FZD3: variants seen among roughly 807,000 people sequenced by gnomAD.
FZD3 encodes frizzled class receptor 3.
FZD3 carries 30 observed loss-of-function variants against 60.7 expected under a neutral mutation model. The ratio of observed to expected loss-of-function variants is 0.49; its 90% CI spans 0.37 to 0.67. The LOEUF is 0.67. Ranked by LOEUF, FZD3 falls within the 30% of genes least tolerant of loss-of-function variation. FZD3 has a pLI of 0.00. For synonymous variants in FZD3, 246 were observed against 275.2 expected (o/e 0.89, Z 1.05); for missense variants, 605 against 838.7 (o/e 0.72, Z 3.44).
Position 28,547,573 on chromosome 8 carries a change from T to C in FZD3, c.1405-4030T>C, listed in dbSNP as rs1189598626. Among the ~76,000 whole-genome samples, 4 of 152,222 alleles carry C rather than the reference T, an allele frequency of 2.6e-5. No individual in the cohort carries two copies. The East Asian group carries it at 7.7e-4, about 29-fold the overall frequency. On this transcript the variant is annotated intron_variant, in intron 5 of 7. Coordinates refer to ENST00000240093, the MANE Select transcript of FZD3 (RefSeq NM_017412.4). ...TACTGTCAGACTTTTGGATCTTACC[T>C]ATTTGATAGGTTAAAAAATAGTACC...
In FZD3 at chr8:28,570,634, AAAAG is replaced by A. The variant is rs1805790258; in HGVS notation, c.*7627_*7630del. 1 of 151,590 alleles carries A rather than the reference AAAAG, an allele frequency of 6.6e-6. No homozygotes were observed. Among genetic ancestry groups the A allele is most frequent in the Non-Finnish European group, 1.5e-5 (1 of 68,302 alleles). The allele number at this position is 151,590 out of a possible 1,614,324, so 9.4% of individuals were successfully genotyped here. On this transcript the variant is annotated 3_prime_UTR_variant, in exon 8 of 8. Coordinates refer to ENST00000240093, the MANE Select transcript of FZD3 (RefSeq NM_017412.4). ...AGCGAGACTCTATCTCAAAAAAAAAAAAAGAAAAAAAAAAAAGTAGAGATTGCAT... is the reference window on the plus strand; with the variant it reads ...AGCGAGACTCTATCTCAAAAAAAAAAAAAAAAAAAAAAGTAGAGATTGCAT...
Position 28,528,151 on chromosome 8 carries a change from C to G in FZD3, c.1391C>G (p.Pro464Arg). ...IQERCREYHI[P>R]CPYQVTQMSR... ...GAACGCTGCAGAGAATATCACATTCCATGTCCATATCAGGTAAGGGAAACC... is the reference window on the plus strand; with the variant it reads ...GAACGCTGCAGAGAATATCACATTCGATGTCCATATCAGGTAAGGGAAACC... Residue 464 changes from proline (P) to arginine (R), a missense_variant, in exon 5 of 8, where the codon CCA (proline) becomes CGA (arginine). Transcript: ENST00000240093. 6.2e-7 allele frequency: 1 copy of G among 1,610,128 alleles called. No individual in the cohort carries two copies. The highest frequency in any genetic ancestry group is 8.5e-7 in the Non-Finnish European group (1 of 1,177,986).
At chr8:28,511,354 C>T (rs113319398) in intron 3 of FZD3, among the ~76,000 whole-genome samples, 283 of 151,926 alleles carry the variant, frequency 1.9e-3, no homozygotes, top group African/African-American at 6.5e-3. Flanking sequence ...GGCGTGGTGG[C>T]GTGTGCCTGT....
chr8:28,523,205 A>C (rs909353992), intron 4 of FZD3, among the ~76,000 whole-genome samples: 6 of 152,068 alleles, frequency 3.9e-5, no homozygotes, highest in South Asian at 4.1e-4. Flanking sequence ...AAATAATAGA[A>C]ATTTATTTGT....
At chr8:28,536,594 A>T (rs1202100771) in intron 5 of FZD3, among the ~76,000 whole-genome samples, 1 of 152,068 alleles carries the variant, frequency 6.6e-6, no homozygotes, top group African/African-American at 2.4e-5. Flanking sequence ...CTATAATCCC[A>T]GCTACTCAGG....
chr8:28,544,475 TA>T (rs1450075812), intron 5 of FZD3, among the ~76,000 whole-genome samples: 1 of 152,226 alleles, frequency 6.6e-6, no homozygotes, highest in African/African-American at 2.4e-5. Flanking sequence ...AATATCAGTA[TA>T]ATTTTTGATA....
At position 28,527,186 on chromosome 8, in the gene FZD3, T is replaced by G; in HGVS notation, c.426T>G (p.Asp142Glu). 6.2e-7 allele frequency: 1 copy of G among 1,613,402 alleles called. No homozygotes were observed. Among genetic ancestry groups the G allele is most frequent in the Non-Finnish European group, 8.5e-7 (1 of 1,179,758 alleles). ...ATGAGCCATATCCTCGACTTGTGGA[T>G]CTGAATTTAGCTGGAGAACCAACTG... ...DCDEPYPRLVDLNLAGEPTEG... is the reference protein window; with the variant it reads ...DCDEPYPRLVELNLAGEPTEG... The change falls in exon 5 of 8, where the codon GAT (aspartate) becomes GAG (glutamate). Residue 142 changes from aspartate (D) to glutamate (E), a missense_variant. By Grantham distance (45) the Asp-to-Glu change is conservative. Coordinates refer to ENST00000240093, the MANE Select transcript of FZD3 (RefSeq NM_017412.4). This position sits in a 1 kb window ranked among gnomAD's most constrained non-coding sequence, Gnocchi z 5.0.
chr8:28,523,013 G>A (rs1261732941), intron 4 of FZD3, among the ~76,000 whole-genome samples: 8 of 151,876 alleles, frequency 5.3e-5, no homozygotes, highest in African/African-American at 9.7e-5. Flanking sequence ...TAAGTGGTCC[G>A]CCCGCCTCAG....
chr8:28,556,854 A>AGGG (rs898944484), intron 7 of FZD3, among the ~76,000 whole-genome samples: 4 of 152,094 alleles, frequency 2.6e-5, no homozygotes, highest in Non-Finnish European at 5.9e-5. Flanking sequence ...GTGGCTAGGG[A>AGGG]GGGGGTTGGT....
At chr8:28,514,365 G>T (rs936935387) in intron 3 of FZD3, among the ~76,000 whole-genome samples, 2 of 152,180 alleles carry the variant, frequency 1.3e-5, no homozygotes, top group South Asian at 4.1e-4. Flanking sequence ...ATTAATATTT[G>T]TATTTGTTTT....
chr8:28,504,627 A>G (rs952864923), intron 3 of FZD3, among the ~76,000 whole-genome samples: 3 of 152,190 alleles, frequency 2.0e-5, no homozygotes, highest in Non-Finnish European at 2.9e-5. Context: ...ATTTGTGAAA[A>G]GGCAGTATAA....
At chr8:28,508,121 T>C (rs1434678502) in intron 3 of FZD3, among the ~76,000 whole-genome samples, 2 of 152,148 alleles carry the variant, frequency 1.3e-5, no homozygotes, top group Non-Finnish European at 1.5e-5. Context: ...TCTTGAACTC[T>C]TGGCCTGAAG....
chr8:28,513,905 G>A (rs1187936902), intron 3 of FZD3, among the ~76,000 whole-genome samples: 1 of 152,158 alleles, frequency 6.6e-6, no homozygotes, highest in Non-Finnish European at 1.5e-5. Context: ...CTAAGCTTGG[G>A]CTGTTGCTAT....
intron 5 of FZD3, among the ~76,000 whole-genome samples, chr8:28,546,155 T>A (rs1438065491): frequency 1.3e-5 from 2 of 152,146 alleles, no homozygotes; most frequent in East Asian, 3.8e-4. Flanking sequence ...TAACAACACA[T>A]CACTCAGAAC....
At position 28,527,115 on chromosome 8, in the gene FZD3, A is replaced by G; in HGVS notation, c.387-32A>G. The stretch of plus-strand genomic sequence containing the variant: ...GATCGTGATAGATTTCCCCATAAGT[A>G]AAAATAGTTCTCATCTTGTTTTGTT... On this transcript the variant is annotated intron_variant, in intron 4 of 7. Coordinates refer to ENST00000240093, the MANE Select transcript of FZD3 (RefSeq NM_017412.4). This position sits in a 1 kb window ranked among gnomAD's most constrained non-coding sequence, Gnocchi z 5.0. The G allele has an allele frequency of 6.4e-7, 1 of 1,557,578 alleles. No individual in the cohort carries two copies. The highest frequency in any genetic ancestry group is 8.7e-7 in the Non-Finnish European group (1 of 1,150,208).
At chr8:28,512,528 G>T (rs1804316112) in intron 3 of FZD3, among the ~76,000 whole-genome samples, 1 of 151,712 alleles carries the variant, frequency 6.6e-6, no homozygotes, top group Admixed American at 6.6e-5. Context: ...GGGTACATGT[G>T]CATTTTCTGT....
chr8:28,571,939 T>G lies in FZD3; in HGVS notation c.*8928T>G, dbSNP rs74798184. ...TTGTATTTTAATCTGATAGTGAATT[T>G]GGGGATTATTTATGTAAATGTATCA... On this transcript the variant is annotated 3_prime_UTR_variant, in exon 8 of 8. Coordinates refer to ENST00000240093, the MANE Select transcript of FZD3 (RefSeq NM_017412.4). 1.7e-3 allele frequency: 254 copies of G among 152,316 alleles called. 5 individuals carry two copies. The East Asian group carries it at 0.045, about 27-fold the overall frequency. The allele number at this position is 152,316 out of a possible 1,614,324, so 9.4% of individuals were successfully genotyped here.
intron 5 of FZD3, among the ~76,000 whole-genome samples, chr8:28,530,679 G>T (rs1804848139): frequency 6.6e-6 from 1 of 152,076 alleles, no homozygotes; most frequent in South Asian, 2.1e-4. Context: ...GAAACTTCCT[G>T]TGTACCCTTC....
chr8:28,507,751 G>GT lies in FZD3; in HGVS notation c.189+4559dup, dbSNP rs1189139654. ...TCAAAGGTGACCAGTGAGGGTTTTT[G>GT]TTTTTTTTTTGGTTTAAGTTTCATT... On this transcript the variant is annotated intron_variant, in intron 3 of 7. Transcript: ENST00000240093. 2.1e-3 allele frequency among the ~76,000 whole-genome samples: 290 copies of GT among 135,974 alleles called. 1 individual carries two copies. In the East Asian group the frequency reaches 0.032, roughly 15 times the overall value. The allele number at this position is 135,974 out of a possible 152,430, so 89.2% of individuals were successfully genotyped here. A position where few individuals can be genotyped will look rare whatever the true frequency, so the allele number is the denominator to read the frequency against.
Sources: gnomAD v4.1 joint callset for allele counts (sites outside exome capture counted in the v4.1 genomes callset) on GRCh38, gnomAD v4.1.1 for gene constraint, Gnocchi (gnomAD v3.1) non-coding constraint, MANE v1.5 for transcripts, NCBI Gene and HGNC (gene_info 2026-07-23, HGNC 2026-07-21) for gene names.